Variants in DGKB observed in about 807,000 individuals in gnomAD.
DGKB encodes 90 kDa diacylglycerol kinase.
A neutral mutation model predicts 114.3 loss-of-function variants in DGKB; 67 were observed. The ratio of observed to expected loss-of-function variants is 0.59; its 90% CI spans 0.48 to 0.72. The LOEUF (loss-of-function observed/expected upper bound fraction) is 0.72. DGKB is among the 30% of genes least tolerant of loss of function. The pLI is 0.00. For missense variants in DGKB, 907 were observed against 975.2 expected, an observed-to-expected ratio of 0.93 and a Z score of 0.93; for synonymous variants, 398 against 323.1, an observed-to-expected ratio of 1.23 and a Z score of -2.49.
chr7:14,315,851 C>A (rs959693521), intron 23 of DGKB, among the ~76,000 whole-genome samples: 1 of 150,370 alleles, frequency 6.7e-6, no homozygotes, highest in African/African-American at 2.4e-5. Context: ...CACCACACCA[C>A]ACCTATTCCA....
intron 13 of DGKB, among the ~76,000 whole-genome samples, chr7:14,639,808 A>G (rs10256605): frequency 0.59 from 90,147 of 152,076 alleles, 27,531 homozygotes; most frequent in Admixed American, 0.71. Context: ...TAAATCACAC[A>G]AAGCCAAATC....
chr7:14,833,451 T>C (rs548122972), intron 2 of DGKB, among the ~76,000 whole-genome samples: 1 of 152,246 alleles, frequency 6.6e-6, no homozygotes, highest in South Asian at 2.1e-4. Flanking sequence ...TGTTAATAAA[T>C]AGGTTCTTAA....
chr7:14,491,318 C>T (rs976164784), intron 20 of DGKB, among the ~76,000 whole-genome samples: 7 of 152,064 alleles, frequency 4.6e-5, no homozygotes, highest in Non-Finnish European at 8.8e-5. Context: ...CTCATATTCT[C>T]TCTCTTGTCT....
intron 17 of DGKB, among the ~76,000 whole-genome samples, chr7:14,597,478 A>G (rs966976585): frequency 1.3e-5 from 2 of 152,196 alleles, no homozygotes; most frequent in African/African-American, 2.4e-5. Flanking sequence ...TTATATTCCA[A>G]ATCCAATTAT....
Position 14,279,373 on chromosome 7 carries a change from G to A in DGKB, c.2122+59142C>T, listed in dbSNP as rs369580201. Among the ~76,000 whole-genome samples the A allele has an allele frequency of 4.6e-5, 7 of 152,246 alleles. No individual in the cohort carries two copies. In the East Asian group the frequency reaches 9.8e-4, roughly 21 times the overall value. ...AACTGGGAAGCTCCAACTGGGTGGA[G>A]CCCACCACAGCTCAAGGAGGCCTGC... On this transcript the variant is annotated intron_variant, in intron 23 of 25. Transcript: ENST00000402815.
intron 1 of DGKB, among the ~76,000 whole-genome samples, chr7:14,974,538 C>A (rs1238382305): frequency 1.3e-5 from 2 of 151,946 alleles, no homozygotes; most frequent in Non-Finnish European, 2.9e-5. Context: ...CTATTTGTTC[C>A]TATAACTGAA....
At chr7:14,969,984 A>G (rs73679601) in intron 1 of DGKB, among the ~76,000 whole-genome samples, 3,773 of 152,264 alleles carry the variant, frequency 0.025, 153 homozygotes, top group African/African-American at 0.085. Flanking sequence ...CTAGAATTTT[A>G]TGGGACCTCC....
At chr7:14,187,404 G>A (rs1383573993) in intron 23 of DGKB, among the ~76,000 whole-genome samples, 7 of 152,076 alleles carry the variant, frequency 4.6e-5, no homozygotes, top group Non-Finnish European at 1.0e-4. Context: ...CCATTTCCCT[G>A]CAAATACCAT....
intron 23 of DGKB, among the ~76,000 whole-genome samples, chr7:14,217,912 G>A (rs1789268277): frequency 6.6e-6 from 1 of 152,012 alleles, no homozygotes; most frequent in Admixed American, 6.6e-5. Flanking sequence ...CTGAATCCAT[G>A]GTCCTGTCCA....
At chr7:14,588,996 T>C (rs1245639326) in intron 17 of DGKB, among the ~76,000 whole-genome samples, 1 of 152,080 alleles carries the variant, frequency 6.6e-6, no homozygotes, top group Admixed American at 6.6e-5. Flanking sequence ...AACACACGTA[T>C]AATATGAATT....
chr7:14,462,508 C>T (rs549074974), intron 21 of DGKB, among the ~76,000 whole-genome samples: 2 of 152,122 alleles, frequency 1.3e-5, no homozygotes, highest in Admixed American at 6.6e-5. Flanking sequence ...ACAACTGCTA[C>T]AAAAAGAATA....
At chr7:14,313,039 T>C (rs1487262394) in intron 23 of DGKB, among the ~76,000 whole-genome samples, 1 of 152,218 alleles carries the variant, frequency 6.6e-6, no homozygotes, top group Non-Finnish European at 1.5e-5. Context: ...GACATACCTG[T>C]AGATTTTAAT....
intron 23 of DGKB, among the ~76,000 whole-genome samples, chr7:14,288,249 T>TAAAA: frequency 7.7e-6 from 1 of 129,958 alleles, no homozygotes. Context: ...TTTTTTTTGT[T>TAAAA]AAAAGAAAAA....
intron 2 of DGKB, among the ~76,000 whole-genome samples, chr7:14,812,600 T>C (rs754977969): frequency 6.6e-6 from 1 of 152,134 alleles, no homozygotes; most frequent in Non-Finnish European, 1.5e-5. Context: ...ATTAAAAATG[T>C]CTCTAGAATA....
At position 14,282,431 on chromosome 7, in the gene DGKB, G is replaced by A. The variant is rs1372107811; in HGVS notation, c.2122+56084C>T. 1.5e-3 allele frequency among the ~76,000 whole-genome samples: 225 copies of A among 146,848 alleles called. 1 individual carries two copies. The highest frequency in any genetic ancestry group is 5.3e-3 in the African/African-American group (211 of 39,936). On this transcript the variant is annotated intron_variant, in intron 23 of 25. Transcript: ENST00000402815. ...GATTCACAGCCGAATTCTACCAGAG[G>A]TACAAGGAGGAACTGGTACCATTCC...
At chr7:14,643,905 G>A (rs1030261034) in intron 13 of DGKB, among the ~76,000 whole-genome samples, 4 of 152,104 alleles carry the variant, frequency 2.6e-5, no homozygotes, top group Non-Finnish European at 5.9e-5. Flanking sequence ...CAATAGTGGG[G>A]CTGCTGCGCA....
At chr7:14,701,819 T>A in intron 6 of DGKB, 89 bp from the exon 7 acceptor site, 4 of 856,498 alleles carry the variant, frequency 4.7e-6, no homozygotes, top group Non-Finnish European at 7.8e-6. Flanking sequence ...TAGTTTGTGT[T>A]GAAAACAAAT....
At chr7:14,473,827 G>A (rs1348400853) in intron 21 of DGKB, among the ~76,000 whole-genome samples, 1 of 152,196 alleles carries the variant, frequency 6.6e-6, no homozygotes, top group Non-Finnish European at 1.5e-5. Context: ...GCAGTTGTGT[G>A]GGGGCATGTA....
chr7:14,597,748 C>CTTA (rs548853040), intron 17 of DGKB, among the ~76,000 whole-genome samples: 1 of 151,790 alleles, frequency 6.6e-6, no homozygotes, highest in Non-Finnish European at 1.5e-5. Context: ...AGACTTGAGT[C>CTTA]TTATTATTAT....
Sources: gnomAD v4.1 joint callset for allele counts (sites outside exome capture counted in the v4.1 genomes callset) on GRCh38, gnomAD v4.1.1 for gene constraint, MANE v1.5 for transcripts, NCBI Gene and HGNC (gene_info 2026-07-23, HGNC 2026-07-21) for gene names.